GAREM1: variants seen among roughly 807,000 people sequenced by gnomAD.
GAREM1 encodes GRB2 associated regulator of MAPK1 subtype 1.
A neutral mutation model predicts 71.3 loss-of-function variants in GAREM1; 26 were observed. The observed-to-expected ratio is 0.36, with a 90% CI of 0.27 to 0.51. GAREM1 has a LOEUF of 0.51. Among genes scored for constraint, GAREM1 ranks in the 20% least tolerant of loss-of-function variants. GAREM1 has a pLI of 0.95. For synonymous variants in GAREM1, 440 were observed against 433.2 expected, an observed-to-expected ratio of 1.02 and a Z score of -0.20; for missense variants, 1,026 against 1,103.1, an observed-to-expected ratio of 0.93 and a Z score of 0.99.
intron 2 of GAREM1, among the ~76,000 whole-genome samples, chr18:32,320,690 T>G (rs2047420306): frequency 6.6e-6 from 1 of 152,212 alleles, no homozygotes; most frequent in Non-Finnish European, 1.5e-5. Context: ...GAAACTCCAT[T>G]CTTGAACTTA....
chr18:32,266,670 T>C lies in GAREM1; in HGVS notation c.*1201A>G, dbSNP rs2041378093. 6.6e-6 allele frequency: 1 copy of C among 152,172 alleles called. No individual in the cohort carries two copies. The highest frequency in any genetic ancestry group is 2.1e-4 in the South Asian group (1 of 4,820). 9.4% of individuals were successfully genotyped at this position (152,172 alleles called of 1,614,324 possible). On this transcript the variant is annotated 3_prime_UTR_variant, in exon 6 of 6. Transcript: ENST00000269209. ...ATAAACAAGTCCTCTTATTGGTATT[T>C]TAAAAATACTCAACAGATGTAGCAT...
At chr18:32,309,647 T>C (rs1456793511) in intron 3 of GAREM1, among the ~76,000 whole-genome samples, 2 of 103,764 alleles carry the variant, frequency 1.9e-5, no homozygotes, top group African/African-American at 3.9e-5. Flanking sequence ...AAAAAAAGAA[T>C]GCAGAACAAA....
chr18:32,350,537 A>C (rs2047738810), intron 2 of GAREM1, among the ~76,000 whole-genome samples: 1 of 152,122 alleles, frequency 6.6e-6, no homozygotes, highest in African/African-American at 2.4e-5. Context: ...TTCTACTCAA[A>C]CTTATGATAT....
intron 1 of GAREM1, among the ~76,000 whole-genome samples, chr18:32,467,797 G>A (rs1194651462): frequency 1.3e-5 from 2 of 152,126 alleles, no homozygotes; most frequent in African/African-American, 4.8e-5. Flanking sequence ...AAATGTACCT[G>A]CAGTACTAAA....
chr18:32,313,994 C>T (rs1159146464), intron 2 of GAREM1, among the ~76,000 whole-genome samples: 1 of 151,892 alleles, frequency 6.6e-6, no homozygotes, highest in Non-Finnish European at 1.5e-5. Flanking sequence ...CATGAAAGAA[C>T]AGCTCATATA....
intron 1 of GAREM1, among the ~76,000 whole-genome samples, chr18:32,430,081 G>A (rs142552080): frequency 3.7e-4 from 56 of 152,268 alleles, no homozygotes; most frequent in Admixed American, 1.3e-3. Flanking sequence ...GTTGCTCAGT[G>A]GGATCAAAGC....
At chr18:32,325,585 C>A (rs149365517) in intron 2 of GAREM1, among the ~76,000 whole-genome samples, 1 of 152,238 alleles carries the variant, frequency 6.6e-6, no homozygotes, top group African/African-American at 2.4e-5. Context: ...CCTTAAAGTC[C>A]CCCATTTGAT....
chr18:32,445,449 C>G (rs1169827604), intron 1 of GAREM1, among the ~76,000 whole-genome samples: 1 of 152,024 alleles, frequency 6.6e-6, no homozygotes, highest in Non-Finnish European at 1.5e-5. Flanking sequence ...CAGCAGTCTG[C>G]TCTTCCAATA....
At chr18:32,270,897 GTTTTTTTTTT>G (rs58914123) in intron 4 of GAREM1, among the ~76,000 whole-genome samples, 8 of 92,596 alleles carry the variant, frequency 8.6e-5, no homozygotes, top group Admixed American at 7.3e-4. Flanking sequence ...GTTCAGGGAT[GTTTTTTTTTT>G]TTTTTTTTTT....
intron 3 of GAREM1, among the ~76,000 whole-genome samples, chr18:32,289,241 G>T (rs2047055432): frequency 6.6e-6 from 1 of 151,952 alleles, no homozygotes; most frequent in Admixed American, 6.6e-5. Context: ...ACCACACCTG[G>T]CTAATATGCA....
intron 1 of GAREM1, among the ~76,000 whole-genome samples, chr18:32,452,373 CA>C (rs1459568774): frequency 1.3e-5 from 2 of 152,188 alleles, no homozygotes. Flanking sequence ...TGCGGCTCTT[CA>C]AAATCTGTTT....
chr18:32,331,719 AAAT>A (rs2047536823), intron 2 of GAREM1: 1 of 152,186 alleles, frequency 6.6e-6, no homozygotes, highest in African/African-American at 2.4e-5. Flanking sequence ...CTCCTGGCCT[AAAT>A]AATAAGAGGA....
At chr18:32,326,242 G>GA (rs1486369833) in intron 2 of GAREM1, among the ~76,000 whole-genome samples, 5 of 152,288 alleles carry the variant, frequency 3.3e-5, no homozygotes, top group African/African-American at 1.2e-4. Flanking sequence ...TAGAGACTGG[G>GA]AAATAACAAG....
chr18:32,372,371 C>T (rs2047989813), intron 2 of GAREM1, among the ~76,000 whole-genome samples: 1 of 152,182 alleles, frequency 6.6e-6, no homozygotes, highest in African/African-American at 2.4e-5. Context: ...CACTAATCTG[C>T]TTCTTACTAC....
intron 1 of GAREM1, among the ~76,000 whole-genome samples, chr18:32,425,715 C>G (rs1334867466): frequency 6.6e-6 from 1 of 152,146 alleles, no homozygotes; most frequent in African/African-American, 2.4e-5. Flanking sequence ...ATATGTTGAA[C>G]AGTAAGCATG....
At chr18:32,460,468 T>A (rs2048945773) in intron 1 of GAREM1, among the ~76,000 whole-genome samples, 1 of 152,238 alleles carries the variant, frequency 6.6e-6, no homozygotes, top group Non-Finnish European at 1.5e-5. Flanking sequence ...TAACTTGCCC[T>A]GTAATTGTAA....
chr18:32,448,397 C>T (rs2048803541), intron 1 of GAREM1, among the ~76,000 whole-genome samples: 2 of 152,150 alleles, frequency 1.3e-5, no homozygotes, highest in African/African-American at 2.4e-5. Context: ...ACCACATCCC[C>T]GATCATGTCT....
chr18:32,469,547 T>C (rs1433806485), intron 1 of GAREM1, among the ~76,000 whole-genome samples: 1 of 152,220 alleles, frequency 6.6e-6, no homozygotes, highest in Non-Finnish European at 1.5e-5. Flanking sequence ...AACTATGTGT[T>C]TGCAGCTGTC....
chr18:32,382,645 C>A (rs2048108440), intron 2 of GAREM1, among the ~76,000 whole-genome samples: 1 of 151,944 alleles, frequency 6.6e-6, no homozygotes, highest in Admixed American at 6.6e-5. Flanking sequence ...AATAACAGAG[C>A]TGTACTTGAA....
Sources: allele counts gnomAD v4.1 joint callset (sites outside exome capture counted in the v4.1 genomes callset), GRCh38; gene constraint gnomAD v4.1.1; transcripts MANE v1.5; gene names NCBI Gene and HGNC (gene_info 2026-07-23, HGNC 2026-07-21).